The following FTO variants were observed in gnomAD, a reference collection of about 807,000 sequenced individuals.
The protein encoded by FTO is alpha-ketoglutarate-dependent dioxygenase FTO.
In FTO, 47 loss-of-function variants were observed where a neutral mutation model predicts 63.9. That is an observed-to-expected ratio of 0.74 (90% CI 0.58 to 0.94). FTO has a LOEUF of 0.94. FTO is among the 40% of genes least tolerant of loss of function. The pLI is 0.00. For missense variants in FTO, 562 were observed against 618.1 expected (o/e 0.91, Z 0.96); for synonymous variants, 207 against 224.4 (o/e 0.92, Z 0.69).
At chr16:54,104,162 G>T (rs2144606229) in intron 8 of FTO, among the ~76,000 whole-genome samples, 1 of 152,164 alleles carries the variant, frequency 6.6e-6, no homozygotes, top group South Asian at 2.1e-4. Flanking sequence ...AGGACATTAG[G>T]GTCCCATATT....
chr16:53,944,719 C>T (rs72807798), intron 8 of FTO, among the ~76,000 whole-genome samples: 4,043 of 152,138 alleles, frequency 0.027, 68 homozygotes, highest in Non-Finnish European at 0.04. Flanking sequence ...ATAATAGAAC[C>T]CATTTCATAG....
At chr16:53,812,946 A>G (rs545887716) in intron 2 of FTO, among the ~76,000 whole-genome samples, 7 of 152,256 alleles carry the variant, frequency 4.6e-5, no homozygotes, top group Admixed American at 1.3e-4. Context: ...TTTCATAGCT[A>G]TAAGCCTTCT....
At chr16:53,845,821 T>C (rs759879187) in intron 4 of FTO, among the ~76,000 whole-genome samples, 1 of 152,190 alleles carries the variant, frequency 6.6e-6, no homozygotes, top group Non-Finnish European at 1.5e-5. Flanking sequence ...TGCAGGAGGA[T>C]TGGGAGATCA....
intron 8 of FTO, among the ~76,000 whole-genome samples, chr16:54,012,277 AG>A (rs1346903492): frequency 1.3e-5 from 2 of 152,360 alleles, no homozygotes; most frequent in East Asian, 3.9e-4. Context: ...AATGTTTGTA[AG>A]CCAAAGCCTA....
At position 54,118,375 on chromosome 16, in the gene FTO, T is replaced by TG. The variant is rs2086986095; in HGVS notation, c.*6460_*6461insG. ...AGTCTTTTTTTTTTTTCTTTTTTTT[T>TG]TTCAGACAGGGTCTCACCCTGTCAC... On this transcript the variant is annotated 3_prime_UTR_variant, in exon 9 of 9. Transcript: ENST00000471389. 6.6e-6 allele frequency: 1 copy of TG among 151,564 alleles called. No individual in the cohort carries two copies. The highest frequency in any genetic ancestry group is 1.5e-5 in the Non-Finnish European group (1 of 67,858). 9.4% of individuals were successfully genotyped at this position (151,564 alleles called of 1,614,324 possible). A position where few individuals can be genotyped will look rare whatever the true frequency, so the allele number is the denominator to read the frequency against.
chr16:53,787,557 G>A (rs142060759), intron 1 of FTO, among the ~76,000 whole-genome samples: 20 of 152,158 alleles, frequency 1.3e-4, no homozygotes, highest in Admixed American at 1.3e-3. Flanking sequence ...AAATTATTTT[G>A]TATTAGGTTT....
chr16:53,939,486 C>T (rs764403680), intron 8 of FTO, among the ~76,000 whole-genome samples: 5 of 152,098 alleles, frequency 3.3e-5, no homozygotes, highest in African/African-American at 7.2e-5. Flanking sequence ...CAAAATTTAT[C>T]GTTTTAAAGT....
intron 4 of FTO, among the ~76,000 whole-genome samples, chr16:53,862,483 T>C (rs1394296975): frequency 1.3e-5 from 2 of 152,184 alleles, no homozygotes; most frequent in East Asian, 3.9e-4. Context: ...TTCACAACCT[T>C]GGAAAACATT....
intron 1 of FTO, among the ~76,000 whole-genome samples, chr16:53,740,020 T>C (rs1273066067): frequency 6.6e-6 from 1 of 152,216 alleles, no homozygotes; most frequent in East Asian, 1.9e-4. Context: ...AAGATAACCA[T>C]GTTGACTTTT....
chr16:53,923,350 G>C (rs1395588546), intron 7 of FTO, among the ~76,000 whole-genome samples: 1 of 152,232 alleles, frequency 6.6e-6, no homozygotes, highest in African/African-American at 2.4e-5. Context: ...TCAGGGGCAA[G>C]ACACCAGGGC....
chr16:53,976,140 T>C (rs2083434735), intron 8 of FTO, among the ~76,000 whole-genome samples: 1 of 152,188 alleles, frequency 6.6e-6, no homozygotes, highest in South Asian at 2.1e-4. Flanking sequence ...TAATCAAATA[T>C]ATTATTCTTT....
intron 4 of FTO, among the ~76,000 whole-genome samples, chr16:53,869,189 T>G (rs937045266): frequency 1.3e-5 from 2 of 151,174 alleles, no homozygotes; most frequent in African/African-American, 2.4e-5. Flanking sequence ...TAGGTTGCTG[T>G]TTTTTTTTCC....
At chr16:53,857,472 A>G (rs200894488) in intron 4 of FTO, among the ~76,000 whole-genome samples, 1 of 133,268 alleles carries the variant, frequency 7.5e-6, no homozygotes, top group Non-Finnish European at 1.5e-5. Flanking sequence ...CTCTCTTTCT[A>G]TATATATATA....
At position 53,715,838 on chromosome 16, in the gene FTO, T is replaced by C. The variant is rs537207390; in HGVS notation, c.45+11609T>C. ...GTATATTTATTCTAATATGTTGTTA[T>C]AGCTGAAAGCATTTGTGTGACATTC... On this transcript the variant is annotated intron_variant, in intron 1 of 8. Coordinates refer to ENST00000471389, the MANE Select transcript of FTO (RefSeq NM_001080432.3). 4.6e-5 allele frequency among the ~76,000 whole-genome samples: 7 copies of C among 152,310 alleles called. No individual in the cohort carries two copies. The East Asian group carries it at 1.2e-3, about 25-fold the overall frequency.
chr16:53,771,603 G>A (rs780203493), intron 1 of FTO, among the ~76,000 whole-genome samples: 5 of 151,964 alleles, frequency 3.3e-5, no homozygotes, highest in Non-Finnish European at 5.9e-5. Context: ...ATATAACCCG[G>A]CAATTCCACT....
chr16:53,711,515 G>C, intron 1 of FTO: 1 of 398,478 alleles, frequency 2.5e-6, no homozygotes, highest in Non-Finnish European at 4.4e-6. Context: ...GTAGCAAAGA[G>C]GATCTAACAT....
chr16:53,954,616 G>A (rs1001675842), intron 8 of FTO, among the ~76,000 whole-genome samples: 1 of 152,098 alleles, frequency 6.6e-6, no homozygotes, highest in African/African-American at 2.4e-5. Context: ...GTGCTGGTGT[G>A]GCTGCAGGGT....
intron 8 of FTO, chr16:54,040,544 A>G (rs2085047985): frequency 6.6e-6 from 1 of 152,218 alleles, no homozygotes; most frequent in Admixed American, 6.5e-5. Context: ...TCAGATTGTG[A>G]GCTAGGAAAT....
At chr16:54,080,582 T>C (rs1356428789) in intron 8 of FTO, among the ~76,000 whole-genome samples, 1 of 152,190 alleles carries the variant, frequency 6.6e-6, no homozygotes, top group Non-Finnish European at 1.5e-5. Context: ...TTAGCTAAAC[T>C]GAGGAACCAC....
Sources: gnomAD v4.1 joint callset for allele counts (sites outside exome capture counted in the v4.1 genomes callset) on GRCh38, gnomAD v4.1.1 for gene constraint, MANE v1.5 for transcripts, NCBI Gene and HGNC (gene_info 2026-07-23, HGNC 2026-07-21) for gene names.